Variants in MLLT3 observed in about 807,000 individuals in gnomAD.
MLLT3 encodes MLLT3 super elongation complex subunit.
MLLT3 carries 4 observed loss-of-function variants against 53.2 expected under a neutral mutation model. The observed-to-expected ratio is 0.08, with a 90% CI of 0.04 to 0.17. The LOEUF is 0.17. Ranked by LOEUF, MLLT3 falls within the 10% of genes least tolerant of loss-of-function variation. The pLI is 1.00. For missense variants in MLLT3, 569 were observed against 684.0 expected (o/e 0.83, Z 1.87); for synonymous variants, 283 against 230.6 (o/e 1.23, Z -2.06).
rs180801420 is a variant in MLLT3, at chr9:20,549,394, G to A, written c.193+71260C>T. 7.3e-3 allele frequency among the ~76,000 whole-genome samples: 1,109 copies of A among 152,142 alleles called. 9 individuals carry two copies. Among genetic ancestry groups the A allele is most frequent in the Non-Finnish European group, 0.011 (716 of 68,008 alleles). The stretch of plus-strand genomic sequence containing the variant: ...CAGCATGGTTTATAACAACAACAAC[G>A]ACTAACTCAAATAGTTCCTACTAAT... On this transcript the variant is annotated intron_variant, in intron 2 of 10. Transcript: ENST00000380338.
At chr9:20,504,128 A>G (rs1378486786) in intron 2 of MLLT3, among the ~76,000 whole-genome samples, 1 of 152,332 alleles carries the variant, frequency 6.6e-6, no homozygotes, top group Admixed American at 6.5e-5. Context: ...TAGTATAGCC[A>G]TTATGGAAAA....
At position 20,602,713 on chromosome 9, in the gene MLLT3, C is replaced by G. The variant is rs529087933; in HGVS notation, c.193+17941G>C. Among the ~76,000 whole-genome samples the G allele has an allele frequency of 3.3e-5, 5 of 150,916 alleles. No homozygotes were observed. In the South Asian group the frequency reaches 1.0e-3, roughly 32 times the overall value. ...GGAGTGGCAAATGTAACATGATTAT[C>G]AAATCTCCTACTGCCAGGCTCTTGT... On this transcript the variant is annotated intron_variant, in intron 2 of 10. Coordinates refer to ENST00000380338, the MANE Select transcript of MLLT3 (RefSeq NM_004529.4).
intron 5 of MLLT3, among the ~76,000 whole-genome samples, chr9:20,384,352 G>A (rs1821977462): frequency 6.6e-6 from 1 of 151,982 alleles, no homozygotes; most frequent in Non-Finnish European, 1.5e-5. Flanking sequence ...TTATTATATA[G>A]CGTCTGGTCA....
At chr9:20,558,140 G>A (rs758919443) in intron 2 of MLLT3, among the ~76,000 whole-genome samples, 1 of 152,138 alleles carries the variant, frequency 6.6e-6, no homozygotes, top group South Asian at 2.1e-4. Context: ...GAGAACATGG[G>A]CTGGCAGGTG....
intron 2 of MLLT3, among the ~76,000 whole-genome samples, chr9:20,469,853 T>C (rs12379627): frequency 0.36 from 54,804 of 151,828 alleles, 10,456 homozygotes; most frequent in East Asian, 0.59. Flanking sequence ...CAGGGAACCA[T>C]TCCTATTTTG....
chr9:20,388,454 G>A (rs1386071766), intron 5 of MLLT3, among the ~76,000 whole-genome samples: 1 of 152,088 alleles, frequency 6.6e-6, no homozygotes, highest in Non-Finnish European at 1.5e-5. Flanking sequence ...CAGGCGTGGT[G>A]GTGGGCGCCT....
At chr9:20,490,715 G>T (rs1314642237) in intron 2 of MLLT3, among the ~76,000 whole-genome samples, 2 of 152,216 alleles carry the variant, frequency 1.3e-5, no homozygotes, top group East Asian at 3.8e-4. Context: ...ATTTGCTATA[G>T]CAGCAACAGA....
At chr9:20,603,920 T>G (rs908929196) in intron 2 of MLLT3, among the ~76,000 whole-genome samples, 10 of 152,050 alleles carry the variant, frequency 6.6e-5, no homozygotes, top group African/African-American at 2.4e-4. Context: ...ATCTTAACCC[T>G]GGTAATTTGC....
intron 2 of MLLT3, among the ~76,000 whole-genome samples, chr9:20,510,262 T>C (rs1214131955): frequency 6.6e-6 from 1 of 152,078 alleles, no homozygotes; most frequent in Non-Finnish European, 1.5e-5. Flanking sequence ...GTGAATAAAC[T>C]TAAAATATGC....
At position 20,463,620 on chromosome 9, in the gene MLLT3, T is replaced by C. The variant is rs537172171; in HGVS notation, c.194-6834A>G. 2.0e-5 allele frequency among the ~76,000 whole-genome samples: 3 copies of C among 152,292 alleles called. No homozygotes were observed. The East Asian group carries it at 5.8e-4, about 29-fold the overall frequency. On this transcript the variant is annotated intron_variant, in intron 2 of 10. Transcript: ENST00000380338. ...CCCAAGTTCCTTCAATGTAACTCAG[T>C]ATACAGAATTGTTTCAAATGATTAG...
intron 2 of MLLT3, among the ~76,000 whole-genome samples, chr9:20,592,136 C>CA (rs1820145378): frequency 6.6e-6 from 1 of 152,076 alleles, no homozygotes; most frequent in East Asian, 1.9e-4. Flanking sequence ...TCACATATCC[C>CA]AAAAAATTAA....
rs1820834617 is a variant in MLLT3 at position 20,345,153 on chromosome 9, AT to A, written c.*1289del. The A allele has an allele frequency of 4.4e-6, 1 of 225,106 alleles. No homozygotes were observed. The highest frequency in any genetic ancestry group is 2.2e-5 in the African/African-American group (1 of 44,932). The allele number at this position is 225,106 out of a possible 1,614,324, so 13.9% of individuals were successfully genotyped here. On this transcript the variant is annotated 3_prime_UTR_variant, in exon 11 of 11. Transcript: ENST00000380338. Reference sequence around the variant, plus strand: ...ACAAGGGTACAACAAGAACAAAAAAATCCCCCCATCCCCAACCGTCTTTCAC... The same window carrying A: ...ACAAGGGTACAACAAGAACAAAAAAACCCCCCATCCCCAACCGTCTTTCAC...
intron 2 of MLLT3, among the ~76,000 whole-genome samples, chr9:20,608,886 C>T (rs900946683): frequency 1.3e-5 from 2 of 151,994 alleles, no homozygotes; most frequent in Non-Finnish European, 2.9e-5. Flanking sequence ...CCAGAGATCA[C>T]TTATATTAAC....
At chr9:20,525,699 G>C (rs572754081) in intron 2 of MLLT3, among the ~76,000 whole-genome samples, 51 of 152,254 alleles carry the variant, frequency 3.3e-4, no homozygotes, top group African/African-American at 1.1e-3. Context: ...GAGCACACAG[G>C]CTTCTCCATT....
chr9:20,443,596 T>A (rs1400052067), intron 4 of MLLT3, among the ~76,000 whole-genome samples: 1 of 152,170 alleles, frequency 6.6e-6, no homozygotes, highest in Admixed American at 6.5e-5. Context: ...GATCTATCAA[T>A]GCGCTGGTTA....
intron 2 of MLLT3, among the ~76,000 whole-genome samples, chr9:20,464,640 A>G (rs566952565): frequency 2.6e-5 from 4 of 152,040 alleles, no homozygotes; most frequent in Admixed American, 2.0e-4. Flanking sequence ...GTGGCATTTA[A>G]GTTGAGACCT....
At position 20,448,081 on chromosome 9, in the gene MLLT3, GTTTT is replaced by G; in HGVS notation, c.420+38_420+41del. 6.5e-7 allele frequency: 1 copy of G among 1,533,718 alleles called. No individual in the cohort carries two copies. Among genetic ancestry groups the G allele is most frequent in the Non-Finnish European group, 8.8e-7 (1 of 1,134,138 alleles). ...GTTTGTTTTTTTTTTTGTTGTTGTT[GTTTT>G]TTAATAGGAATGCTTTTCACAAGAG... On this transcript the variant is annotated intron_variant, in intron 4 of 10. Coordinates refer to ENST00000380338, the MANE Select transcript of MLLT3 (RefSeq NM_004529.4). The surrounding 1 kb of genome is among the most constrained non-coding windows in gnomAD (Gnocchi z 4.0).
intron 2 of MLLT3, among the ~76,000 whole-genome samples, chr9:20,539,595 C>G (rs952087842): frequency 2.0e-5 from 3 of 152,142 alleles, no homozygotes; most frequent in African/African-American, 7.2e-5. Context: ...CTCACTATCA[C>G]AGGAATAACA....
chr9:20,393,160 A>T (rs933499086), intron 5 of MLLT3, among the ~76,000 whole-genome samples: 2 of 147,906 alleles, frequency 1.4e-5, no homozygotes, highest in Admixed American at 1.3e-4. Flanking sequence ...CATCTCAATT[A>T]AAAAAAAATG....
Sources: allele counts gnomAD v4.1 joint callset (sites outside exome capture counted in the v4.1 genomes callset), GRCh38; gene constraint gnomAD v4.1.1; non-coding constraint Gnocchi (gnomAD v3.1); transcripts MANE v1.5; gene names NCBI Gene and HGNC (gene_info 2026-07-23, HGNC 2026-07-21).